SVIL: variants seen among roughly 807,000 people sequenced by gnomAD.
SVIL encodes the protein archvillin.
A neutral mutation model predicts 240.4 loss-of-function variants in SVIL; 101 were observed. That is an observed-to-expected ratio of 0.42 (90% CI 0.36 to 0.50). The LOEUF (loss-of-function observed/expected upper bound fraction) is 0.50, where lower values mean the gene tolerates loss of function less well. Ranked by LOEUF, SVIL falls within the 20% of genes least tolerant of loss-of-function variation. The pLI is 0.01. For synonymous variants in SVIL, 999 were observed against 1,100.0 expected (o/e 0.91, Z 1.82); for missense variants, 2,512 against 2,818.7 (o/e 0.89, Z 2.46).
intron 1 of SVIL, among the ~76,000 whole-genome samples, chr10:29,719,240 C>A (rs553912261): frequency 6.6e-6 from 1 of 152,286 alleles, no homozygotes; most frequent in East Asian, 1.9e-4. Context: ...TTGGTGATGA[C>A]CTTAAGCAAT....
At chr10:29,557,653 C>T (rs1390684587) in intron 3 of SVIL, among the ~76,000 whole-genome samples, 1 of 152,144 alleles carries the variant, frequency 6.6e-6, no homozygotes, top group East Asian at 1.9e-4. Flanking sequence ...CATGTTGCTT[C>T]CTGCTATTTT....
upstream of SVIL, among the ~76,000 whole-genome samples, chr10:29,637,799 C>G (rs771316669): frequency 1.3e-5 from 2 of 152,194 alleles, no homozygotes; most frequent in Non-Finnish European, 2.9e-5. Context: ...ATTATTAGTA[C>G]GTTCCACGAC....
intron 2 of SVIL, among the ~76,000 whole-genome samples, chr10:29,660,283 C>T (rs571896547): frequency 1.3e-4 from 20 of 151,880 alleles, no homozygotes; most frequent in African/African-American, 3.9e-4. Context: ...CGCTCCAGCT[C>T]GGGCAACAAA....
intron 34 of SVIL, 144 bp downstream of exon 34, chr10:29,465,449 GAA>G (rs142165755): frequency 0.017 from 17,402 of 1,016,304 alleles, 209 homozygotes; most frequent in Non-Finnish European, 0.019. Flanking sequence ...GGGTGAGGAT[GAA>G]AAGAGTGTAA....
chr10:29,537,983 T>C (rs1228769198), intron 6 of SVIL, among the ~76,000 whole-genome samples: 1 of 152,224 alleles, frequency 6.6e-6, no homozygotes, highest in African/African-American at 2.4e-5. Flanking sequence ...CATCAACTTT[T>C]ATTTGATGGG....
At position 29,458,541 on chromosome 10, in the gene SVIL, T is replaced by C. The variant is rs1212583269; in HGVS notation, c.6451A>G (p.Lys2151Glu). The C allele has an allele frequency of 1.9e-6, 3 of 1,611,076 alleles. No individual in the cohort carries two copies. The highest frequency in any genetic ancestry group is 2.5e-6 in the Non-Finnish European group (3 of 1,178,788). ...AGCGGGTAAATGGTTTTACAGAGCT[T>C]GGCTAAGACGTCTTCCACGAGGGTG... ...QITLVEDVLA[K>E]LCKTIYPLAD... Residue 2151 changes from lysine to glutamate, a missense_variant, in exon 37 of 38, where the codon AAG becomes GAG. Physicochemically the swap from Lys to Glu is moderately conservative, Grantham distance 56. Coordinates refer to ENST00000355867, the MANE Select transcript of SVIL (RefSeq NM_021738.3).
intron 1 of SVIL, among the ~76,000 whole-genome samples, chr10:29,622,306 C>A (rs567411197): frequency 1.3e-5 from 2 of 149,002 alleles, no homozygotes; most frequent in Non-Finnish European, 3.0e-5. Flanking sequence ...GTCAATCTCT[C>A]GTTTTTCAGG....
At chr10:29,668,878 A>G (rs1363273723) in intron 2 of SVIL, among the ~76,000 whole-genome samples, 2 of 152,212 alleles carry the variant, frequency 1.3e-5, no homozygotes, top group African/African-American at 2.4e-5. Flanking sequence ...ACTATGATTC[A>G]GCCTACACAC....
At chr10:29,516,014 C>T (rs2132504099) in intron 16 of SVIL, among the ~76,000 whole-genome samples, 1 of 152,270 alleles carries the variant, frequency 6.6e-6, no homozygotes, top group East Asian at 1.9e-4. Context: ...TGACTGAGGT[C>T]ACACTGGATG....
At chr10:29,635,383 A>G (rs1958273244), upstream of SVIL, among the ~76,000 whole-genome samples, 1 of 152,248 alleles carries the variant, frequency 6.6e-6, no homozygotes, top group African/African-American at 2.4e-5. Flanking sequence ...ATAATGGCAC[A>G]TGTCTCTACA....
chr10:29,677,696 C>T (rs537284894), intron 2 of SVIL, among the ~76,000 whole-genome samples: 15 of 152,278 alleles, frequency 9.9e-5, no homozygotes, highest in South Asian at 6.2e-4. Context: ...GCTAGGATTA[C>T]AGGCACGAGC....
At chr10:29,498,409 A>G (rs945858950) in intron 18 of SVIL, among the ~76,000 whole-genome samples, 5 of 151,900 alleles carry the variant, frequency 3.3e-5, no homozygotes, top group African/African-American at 1.2e-4. Flanking sequence ...CAAGAGTGAA[A>G]CTCCGTCTAA....
In SVIL at chr10:29,462,337, T is replaced by C; in HGVS notation, c.6342A>G (p.Thr2114=). The C allele has an allele frequency of 1.2e-6, 2 of 1,614,196 alleles. No homozygotes were observed. Among genetic ancestry groups the C allele is most frequent in the South Asian group, 1.1e-5 (1 of 91,088 alleles). ...CCCAGCTGGGAAACATATTGGTGAA[T>C]GTCAGGGGCTCCAGACCAGCGTGGA... ...YLIHAGLEPL[T]FTNMFPSWEH... The change falls in exon 36 of 38, where the codon ACA becomes ACG. Residue 2114 remains threonine (T), a synonymous_variant. Coordinates refer to ENST00000355867, the MANE Select transcript of SVIL (RefSeq NM_021738.3).
rs750943886 is a variant in SVIL, at chr10:29,550,991, C to T, written c.433G>A (p.Ala145Thr). Residue 145 changes from alanine to threonine, a missense_variant, in exon 6 of 38, where the codon GCT becomes ACT. Coordinates refer to ENST00000355867, the MANE Select transcript of SVIL (RefSeq NM_021738.3). Reference protein sequence around the residue: ...RYTKSRKEPDAVEKRGGKSDK... With the variant: ...RYTKSRKEPDTVEKRGGKSDK... The stretch of plus-strand genomic sequence containing the variant: ...CTTTTTCCTCCCCGCTTCTCGACAG[C>T]ATCAGGCTCCTTCCTGGACTTGGTA... 3.7e-6 allele frequency: 6 copies of T among 1,614,060 alleles called. No individual in the cohort carries two copies. The African/African-American group carries it at 6.7e-5, about 18-fold the overall frequency.
chr10:29,457,904 C>G lies in SVIL; in HGVS notation c.*343G>C, dbSNP rs550458185. ...GAATCCACAAACTATCAAAATAACA[C>G]TTTATAAAGAGAACTGCTTCAAAAA... On this transcript the variant is annotated 3_prime_UTR_variant, in exon 38 of 38. Transcript: ENST00000355867. 6.3e-6 allele frequency: 1 copy of G among 159,040 alleles called. No individual in the cohort carries two copies. Among genetic ancestry groups the G allele is most frequent in the Non-Finnish European group, 1.3e-5 (1 of 78,076 alleles). The allele number at this position is 159,040 out of a possible 1,614,324, so 9.9% of individuals were successfully genotyped here.
chr10:29,460,896 C>A (rs924274619), intron 36 of SVIL, among the ~76,000 whole-genome samples: 25 of 152,062 alleles, frequency 1.6e-4, no homozygotes, highest in African/African-American at 5.1e-4. Flanking sequence ...CAGAGCAAGA[C>A]CCTGTCTCAA....
At chr10:29,510,347 G>A (rs535308618) in intron 17 of SVIL, among the ~76,000 whole-genome samples, 2 of 152,202 alleles carry the variant, frequency 1.3e-5, no homozygotes, top group East Asian at 3.9e-4. Context: ...TGACTCCAAG[G>A]AAATTTCAAA....
Position 29,494,839 on chromosome 10 carries a change from G to GAAGATAACAACAAAGATAAT in SVIL, c.3841+74_3841+75insATTATCTTTGTTGTTATCTT, listed in dbSNP as rs1564514874. On this transcript the variant is annotated intron_variant, in intron 20 of 37. Coordinates refer to ENST00000355867, the MANE Select transcript of SVIL (RefSeq NM_021738.3). Reference sequence around the variant, plus strand: ...GTCTTGACCAAAACTTCTTTTTTTTGGCTGAGGAAGAAAAGCAATCAGAAT... The same window carrying GAAGATAACAACAAAGATAAT: ...GTCTTGACCAAAACTTCTTTTTTTTGAAGATAACAACAAAGATAATGCTGAGGAAGAAAAGCAATCAGAAT... 8 of 1,423,404 alleles carry GAAGATAACAACAAAGATAAT rather than the reference G, an allele frequency of 5.6e-6. No individual in the cohort carries two copies. The African/African-American group carries it at 9.1e-5, about 16-fold the overall frequency. 88.2% of individuals were successfully genotyped at this position (1,423,404 alleles called of 1,614,324 possible).
At position 29,471,240 on chromosome 10, in the gene SVIL, G is replaced by A; in HGVS notation, c.5533C>T (p.Gln1845Ter). ...ELDEERGAQV[Q>*]VLQGKEPPCF... The stretch of plus-strand genomic sequence containing the variant: ...GGGGGCTCCTTTCCCTGGAGAACCT[G>A]GACCTTCCGATTTAAACAGAGGTAA... Residue 1845 changes from glutamine to a stop codon, truncating the protein, a stop_gained, in exon 31 of 38, where the codon CAG becomes TAG. Coordinates refer to ENST00000355867, the MANE Select transcript of SVIL (RefSeq NM_021738.3). LOFTEE classifies it high-confidence loss of function. The A allele has an allele frequency of 6.2e-7, 1 of 1,609,384 alleles. No individual in the cohort carries two copies. Among genetic ancestry groups the A allele is most frequent in the South Asian group, 1.1e-5 (1 of 90,834 alleles).
Sources: gnomAD v4.1 joint callset for allele counts (sites outside exome capture counted in the v4.1 genomes callset) on GRCh38, gnomAD v4.1.1 for gene constraint, MANE v1.5 for transcripts, NCBI Gene and HGNC (gene_info 2026-07-23, HGNC 2026-07-21) for gene names.